RTP3: variants seen among roughly 807,000 people sequenced by gnomAD.
The protein encoded by RTP3 is receptor transporter protein 3.
A neutral mutation model predicts 6.2 loss-of-function variants in RTP3; 2 were observed. That is an observed-to-expected ratio of 0.32 (90% CI 0.13 to 1.02). RTP3 has a LOEUF of 1.02. RTP3 is among the 50% of genes least tolerant of loss of function. RTP3 has a pLI of 0.47. For synonymous variants in RTP3, 106 were observed against 98.3 expected, an observed-to-expected ratio of 1.08 and a Z score of -0.47; for missense variants, 252 against 280.8, an observed-to-expected ratio of 0.90 and a Z score of 0.73.
Position 46,500,430 on chromosome 3 carries a change from A to T in RTP3, c.230A>T (p.Glu77Val). Reference protein sequence around the residue: ...VLVLFHMNWSEEKSRGQVKMR... With the variant: ...VLVLFHMNWSVEKSRGQVKMR... ...GTCCTTTTCCACATGAACTGGAGTG[A>T]GGAGAAGTCCAGGGGCCAGGTGAAG... The change falls in exon 2 of 2, where the codon GAG becomes GTG. Residue 77 changes from glutamate to valine, a missense_variant. Physicochemically the swap from Glu to Val is moderately radical, Grantham distance 121. Coordinates refer to ENST00000296142, the MANE Select transcript of RTP3 (RefSeq NM_031440.2). 1 of 1,614,168 alleles carries T rather than the reference A, an allele frequency of 6.2e-7. No individual in the cohort carries two copies. Among genetic ancestry groups the T allele is most frequent in the South Asian group, 1.1e-5 (1 of 91,088 alleles).
At chr3:46,499,590 A>G (rs143107573) in intron 1 of RTP3, among the ~76,000 whole-genome samples, 1 of 152,132 alleles carries the variant, frequency 6.6e-6, no homozygotes, top group Non-Finnish European at 1.5e-5. Flanking sequence ...CCTGACATGT[A>G]TTTGTCCAGA....
At chr3:46,500,254 C>G (rs1703690780) in intron 1 of RTP3, 102 bp from the exon 2 acceptor site, 2 of 1,297,518 alleles carry the variant, frequency 1.5e-6, no homozygotes, top group Non-Finnish European at 2.1e-6. Context: ...CAGCCCCAGT[C>G]AAGTCATGTC....
At chr3:46,500,201 A>G (rs1703690048) in intron 1 of RTP3, among the ~76,000 whole-genome samples, 155 bp from the exon 2 acceptor site, 1 of 152,186 alleles carries the variant, frequency 6.6e-6, no homozygotes, top group Non-Finnish European at 1.5e-5. Context: ...GGCACAATGG[A>G]GATGGGAAAG....
chr3:46,500,224 T>C (rs1703690541), intron 1 of RTP3, 132 bp from the exon 2 acceptor site: 2 of 956,016 alleles, frequency 2.1e-6, no homozygotes, highest in Admixed American at 4.6e-5. Context: ...GTCTTAGCAA[T>C]TTCTTCCACC....
chr3:46,498,740 T>C (rs1703674801), intron 1 of RTP3, among the ~76,000 whole-genome samples: 1 of 152,226 alleles, frequency 6.6e-6, no homozygotes, highest in Non-Finnish European at 1.5e-5. Context: ...TCATCCTCTC[T>C]TTCCCAGGTG....
Position 46,500,706 on chromosome 3 carries a change from C to T in RTP3, c.506C>T (p.Thr169Ile), listed in dbSNP as rs763398332. The change falls in exon 2 of 2, where the codon ACA becomes ATA. Residue 169 changes from threonine (T) to isoleucine (I), a missense_variant. Physicochemically the swap from Thr to Ile is moderately conservative, Grantham distance 89. Coordinates refer to ENST00000296142, the MANE Select transcript of RTP3 (RefSeq NM_031440.2). ...TTCTGTGCTGGGCCCATACAGGTTA[C>T]AAGCCTCCCCCCATCTCAGACCCCA... The part of the protein sequence containing the change: ...QGFCAGPIQV[T>I]SLPPSQTPRV... 1.5e-5 allele frequency: 24 copies of T among 1,613,678 alleles called. No homozygotes were observed. The African/African-American group carries it at 2.4e-4, about 16-fold the overall frequency.
In RTP3 at chr3:46,500,391, C is replaced by T; in HGVS notation, c.191C>T (p.Ser64Phe). Residue 64 changes from serine (S) to phenylalanine (F), a missense_variant, in exon 2 of 2, where the codon TCT (serine) becomes TTT (phenylalanine). Physicochemically the swap from Ser to Phe is radical, Grantham distance 155. Transcript: ENST00000296142. ...QCSSCSRNWA[S>F]AQVLVLFHMN... ...TCCTCCTGCTCTCGTAACTGGGCCT[C>T]TGCCCAAGTTCTGGTCCTTTTCCAC... 1 of 1,613,442 alleles carries T rather than the reference C, an allele frequency of 6.2e-7. No homozygotes were observed. Among genetic ancestry groups the T allele is most frequent in the Non-Finnish European group, 8.5e-7 (1 of 1,179,832 alleles).
chr3:46,499,072 T>C (rs1703677977), intron 1 of RTP3, among the ~76,000 whole-genome samples: 1 of 152,220 alleles, frequency 6.6e-6, no homozygotes, highest in Non-Finnish European at 1.5e-5. Flanking sequence ...AGCAAGGTCC[T>C]CTCACAGTGA....
At position 46,500,911 on chromosome 3, in the gene RTP3, A is replaced by G; in HGVS notation, c.*12A>G. On this transcript the variant is annotated 3_prime_UTR_variant, in exon 2 of 2. Transcript: ENST00000296142. ...AAACTGCTATATGAGCCTTGGAAAC[A>G]TGAAGCTAAGTCAGAAAAAAAATCA... The G allele has an allele frequency of 6.5e-7, 1 of 1,541,926 alleles. No individual in the cohort carries two copies.
At position 46,500,803 on chromosome 3, in the gene RTP3, C is replaced by T. The variant is rs547846654; in HGVS notation, c.603C>T (p.Tyr201=). Residue 201 remains tyrosine, a synonymous_variant, in exon 2 of 2, where the codon TAC becomes TAT. Coordinates refer to ENST00000296142, the MANE Select transcript of RTP3 (RefSeq NM_031440.2). The part of the protein sequence containing the change: ...PWASGENVYS[Y]ACQNHICRNL... Reference sequence around the variant, plus strand: ...CCTCAGGAGAGAATGTCTATTCCTACGCATGCCAAAACCACATCTGTAGGA... The same window carrying T: ...CCTCAGGAGAGAATGTCTATTCCTATGCATGCCAAAACCACATCTGTAGGA... 1.4e-5 allele frequency: 23 copies of T among 1,613,928 alleles called. 2 individuals are homozygous for T. The Admixed American group carries it at 2.2e-4, about 15-fold the overall frequency.
chr3:46,499,438 CA>C (rs1369026495), intron 1 of RTP3, among the ~76,000 whole-genome samples: 2 of 152,228 alleles, frequency 1.3e-5, no homozygotes, highest in Non-Finnish European at 2.9e-5. Context: ...AGCCTCACGG[CA>C]AAGGGGCTGG....
chr3:46,499,779 G>A (rs1006080934), intron 1 of RTP3, among the ~76,000 whole-genome samples: 2 of 152,096 alleles, frequency 1.3e-5, no homozygotes, highest in African/African-American at 2.4e-5. Flanking sequence ...CTGCAATACC[G>A]CAGACCAGGG....
rs202205889 is a variant in RTP3 at position 46,500,880 on chromosome 3, T to C, written c.680T>C (p.Val227Ala). 2.8e-5 allele frequency: 44 copies of C among 1,578,466 alleles called. No homozygotes were observed. The African/African-American group carries it at 5.3e-4, about 19-fold the overall frequency. Residue 227 changes from valine to alanine, a missense_variant, in exon 2 of 2, where the codon GTT becomes GCT. Transcript: ENST00000296142. ...ATTCTCATTGTTATCGTGGTGATTGTTGTAAAAACTGCTATATGAGCCTTG... is the reference window on the plus strand; with the variant it reads ...ATTCTCATTGTTATCGTGGTGATTGCTGTAAAAACTGCTATATGAGCCTTG... ...CVILIVIVVI[V>A]VKTAI
chr3:46,500,591 T>C lies in RTP3; in HGVS notation c.391T>C (p.Phe131Leu). The C allele has an allele frequency of 1.2e-6, 2 of 1,614,126 alleles. No individual in the cohort carries two copies. Among genetic ancestry groups the C allele is most frequent in the Non-Finnish European group, 1.7e-6 (2 of 1,180,002 alleles). The change falls in exon 2 of 2, where the codon TTT becomes CTT. Residue 131 changes from phenylalanine to leucine, a missense_variant. Transcript: ENST00000296142. ...TCTGAAGAAATGCTATAGAGGAAGA[T>C]TTCAGTTGATAGAGGAGGTTCCTAT... ...RILKKCYRGR[F>L]QLIEEVPMIK...
chr3:46,500,532 T>A lies in RTP3; in HGVS notation c.332T>A (p.Ile111Asn). The part of the protein sequence containing the change: ...FEDPEFTQEN[I>N]SRILKNLVFR... The stretch of plus-strand genomic sequence containing the variant: ...GACCCTGAGTTCACACAAGAGAACA[T>A]CTCAAGGATCCTGAAAAACCTGGTG... The change falls in exon 2 of 2, where the codon ATC becomes AAC. Residue 111 changes from isoleucine to asparagine, a missense_variant. Ile to Asn is a moderately radical substitution (Grantham distance 149). Transcript: ENST00000296142. The A allele has an allele frequency of 6.2e-7, 1 of 1,614,186 alleles. No homozygotes were observed. The highest frequency in any genetic ancestry group is 2.2e-5 in the East Asian group (1 of 44,888).
At chr3:46,499,194 C>G (rs1396570307) in intron 1 of RTP3, among the ~76,000 whole-genome samples, 1 of 152,220 alleles carries the variant, frequency 6.6e-6, no homozygotes, top group Non-Finnish European at 1.5e-5. Context: ...TTCCCAGCCC[C>G]CTCCAATTCA....
rs1703668703 is a variant in RTP3 at position 46,498,115 on chromosome 3, A to G, written c.53A>G (p.Glu18Gly). The G allele has an allele frequency of 6.2e-7, 1 of 1,614,064 alleles. No homozygotes were observed. The highest frequency in any genetic ancestry group is 1.7e-5 in the Admixed American group (1 of 60,010). The part of the protein sequence containing the change: ...WKQMFQELMR[E>G]VKPWHRWTLR... ...CAAATGTTTCAGGAGTTAATGCGGG[A>G]GGTGAAGCCATGGCACAGGTGGACC... Residue 18 changes from glutamate (E) to glycine (G), a missense_variant, in exon 1 of 2, where the codon GAG (glutamate) becomes GGG (glycine). Physicochemically the swap from Glu to Gly is moderately conservative, Grantham distance 98 (BLOSUM62 -2). Coordinates refer to ENST00000296142, the MANE Select transcript of RTP3 (RefSeq NM_031440.2).
chr3:46,500,034 A>G (rs1251873094), intron 1 of RTP3, among the ~76,000 whole-genome samples: 1 of 152,082 alleles, frequency 6.6e-6, no homozygotes, highest in Non-Finnish European at 1.5e-5. Flanking sequence ...GCCTTTTTAC[A>G]CCCACTGGGT....
chr3:46,498,220 G>T lies in RTP3; in HGVS notation c.155+3G>T. ...TACCAGCAGTGGACCTTCGCCAGGT[G>T]AGGGGGAATGTGATGGTACACGTTC... On this transcript the variant is annotated splice_donor_region_variant and intron_variant, in intron 1 of 1. Transcript: ENST00000296142. 2.5e-6 allele frequency: 4 copies of T among 1,614,226 alleles called. No individual in the cohort carries two copies. Among genetic ancestry groups the T allele is most frequent in the Non-Finnish European group, 3.4e-6 (4 of 1,180,044 alleles).
Sources: gnomAD v4.1 joint callset for allele counts (sites outside exome capture counted in the v4.1 genomes callset) on GRCh38, gnomAD v4.1.1 for gene constraint, MANE v1.5 for transcripts, NCBI Gene and HGNC (gene_info 2026-07-23, HGNC 2026-07-21) for gene names.